The following PRKCH variants were observed in gnomAD, a reference collection of about 807,000 sequenced individuals.
PRKCH encodes protein kinase C eta.
In PRKCH, 28 loss-of-function variants were observed where a neutral mutation model predicts 82.5. The observed-to-expected ratio is 0.34, with a 90% CI of 0.25 to 0.47. PRKCH has a LOEUF of 0.47. PRKCH is among the 20% of genes least tolerant of loss of function. PRKCH has a pLI of 1.00. For synonymous variants in PRKCH, 322 were observed against 327.4 expected, an observed-to-expected ratio of 0.98 and a Z score of 0.18; for missense variants, 705 against 881.8, an observed-to-expected ratio of 0.80 and a Z score of 2.54.
upstream of PRKCH, among the ~76,000 whole-genome samples, chr14:61,321,460 C>G (rs1211518690): frequency 6.6e-6 from 1 of 152,224 alleles, no homozygotes; most frequent in African/African-American, 2.4e-5. The surrounding 1 kb of genome is among the most constrained non-coding windows in gnomAD (Gnocchi z 4.1). Flanking sequence ...CAGGGCGGCG[C>G]AAGCGGGCAC....
intron 10 of PRKCH, among the ~76,000 whole-genome samples, chr14:61,511,681 C>T (rs775666460): frequency 6.6e-6 from 1 of 152,250 alleles, no homozygotes; most frequent in African/African-American, 2.4e-5. Context: ...GGCTTGTGCC[C>T]TGCCTTGGCA....
At chr14:61,244,913 G>C (rs2044867478) in intron 1 of PRKCH, among the ~76,000 whole-genome samples, 1 of 152,186 alleles carries the variant, frequency 6.6e-6, no homozygotes, top group South Asian at 2.1e-4. Context: ...ATAAAACGAA[G>C]GAATGTGTAA....
rs144237107 is a variant in PRKCH at position 61,393,860 on chromosome 14, G to A, written c.427+2572G>A. Among the ~76,000 whole-genome samples the A allele has an allele frequency of 2.3e-3, 356 of 152,342 alleles. 5 individuals are homozygous for A. Among genetic ancestry groups the A allele is most frequent in the African/African-American group, 8.2e-3 (342 of 41,576 alleles). On this transcript the variant is annotated intron_variant, in intron 2 of 13. Coordinates refer to ENST00000332981, the MANE Select transcript of PRKCH (RefSeq NM_006255.5). ...CTGGAGAAAAGCCCTACAAATGTGG[G>A]TCTCACCTAATGCGGTTTCCCTCCT...
At chr14:61,376,529 AGTCTTACC>A (rs1421424403) in intron 1 of PRKCH, among the ~76,000 whole-genome samples, 1 of 152,200 alleles carries the variant, frequency 6.6e-6, no homozygotes, top group African/African-American at 2.4e-5. Context: ...TTGCAGATTT[AGTCTTACC>A]GTCTTCCAGA....
At position 61,530,396 on chromosome 14, in the gene PRKCH, C is replaced by T. The variant is rs377593540; in HGVS notation, c.1573-11C>T. The T allele has an allele frequency of 2.6e-6, 4 of 1,565,546 alleles. No individual in the cohort carries two copies. The highest frequency in any genetic ancestry group is 1.3e-5 in the African/African-American group (1 of 74,408). The stretch of plus-strand genomic sequence containing the variant: ...TATGAACCACCTTCTCACGCTGCCC[C>T]CTTTGCACAGATCCTCCAGGAAATG... On this transcript the variant is annotated splice_polypyrimidine_tract_variant and intron_variant, in intron 11 of 13. Coordinates refer to ENST00000332981, the MANE Select transcript of PRKCH (RefSeq NM_006255.5).
chr14:61,407,721 T>C (rs1442597676), intron 2 of PRKCH, among the ~76,000 whole-genome samples: 1 of 152,180 alleles, frequency 6.6e-6, no homozygotes, highest in Non-Finnish European at 1.5e-5. Context: ...TGCTTGAAGG[T>C]CACACTTAGG....
intron 2 of PRKCH, among the ~76,000 whole-genome samples, chr14:61,399,812 T>C (rs1444276762): frequency 6.6e-6 from 1 of 152,152 alleles, no homozygotes; most frequent in Non-Finnish European, 1.5e-5. Flanking sequence ...TTCTATTTTG[T>C]ACAAGTTTTT....
chr14:61,489,015 G>A (rs1026607790), intron 10 of PRKCH, among the ~76,000 whole-genome samples: 3 of 152,118 alleles, frequency 2.0e-5, no homozygotes, highest in African/African-American at 7.2e-5. Context: ...TATTTCACAG[G>A]ATAATTTAAT....
chr14:61,324,118 A>G (rs2045665393), intron 1 of PRKCH, among the ~76,000 whole-genome samples: 2 of 152,170 alleles, frequency 1.3e-5, no homozygotes, highest in Admixed American at 1.3e-4. Flanking sequence ...TTTTAGGCTC[A>G]CCAGGTGATT....
At chr14:61,450,564 G>A (rs942158495) in intron 5 of PRKCH, among the ~76,000 whole-genome samples, 3 of 152,198 alleles carry the variant, frequency 2.0e-5, no homozygotes, top group African/African-American at 7.2e-5. Flanking sequence ...AATATGGCCT[G>A]AATATGAAAG....
intron 4 of PRKCH, among the ~76,000 whole-genome samples, chr14:61,446,820 A>C (rs1884247776): frequency 6.6e-6 from 1 of 152,240 alleles, no homozygotes; most frequent in African/African-American, 2.4e-5. Context: ...CACCAAGATA[A>C]GTTGAGAAGC....
intron 1 of PRKCH, among the ~76,000 whole-genome samples, chr14:61,198,072 T>TA (rs67182433): frequency 1.3e-5 from 2 of 150,722 alleles, no homozygotes; most frequent in African/African-American, 2.4e-5. Flanking sequence ...AATTGATCCT[T>TA]AAAAAAAAAA....
chr14:61,224,676 C>T (rs1013307363), intron 1 of PRKCH, among the ~76,000 whole-genome samples: 16 of 152,286 alleles, frequency 1.1e-4, no homozygotes, highest in Admixed American at 5.2e-4. Flanking sequence ...ACATCATATC[C>T]GGAGATCCAT....
intron 1 of PRKCH, among the ~76,000 whole-genome samples, chr14:61,268,744 C>G (rs2045126308): frequency 6.6e-6 from 1 of 152,178 alleles, no homozygotes. Flanking sequence ...TCATTCCCAC[C>G]TAAAGCTTTT....
At chr14:61,540,185 C>T (rs2043164422) in intron 12 of PRKCH, among the ~76,000 whole-genome samples, 2 of 152,146 alleles carry the variant, frequency 1.3e-5, no homozygotes, top group Admixed American at 6.5e-5. Flanking sequence ...CTTCACTTAC[C>T]ACCTGCACTG....
chr14:61,354,247 AT>A (rs1295630755), intron 1 of PRKCH, among the ~76,000 whole-genome samples: 1 of 152,094 alleles, frequency 6.6e-6, no homozygotes, highest in African/African-American at 2.4e-5. Context: ...ATTATTCTTA[AT>A]TTTCACACTT....
chr14:61,310,533 C>A (rs2045514731), intron 1 of PRKCH, among the ~76,000 whole-genome samples: 1 of 152,242 alleles, frequency 6.6e-6, no homozygotes, highest in African/African-American at 2.4e-5. Flanking sequence ...TGGCCTTGGG[C>A]AGCTCCACCC....
chr14:61,244,261 A>C (rs978114402), intron 1 of PRKCH, among the ~76,000 whole-genome samples: 1 of 152,172 alleles, frequency 6.6e-6, no homozygotes, highest in Non-Finnish European at 1.5e-5. Flanking sequence ...AAGAGCTAGA[A>C]CCTGACAAAT....
intron 1 of PRKCH, among the ~76,000 whole-genome samples, chr14:61,295,158 G>T (rs1019552409): frequency 6.6e-6 from 1 of 152,106 alleles, no homozygotes; most frequent in Non-Finnish European, 1.5e-5. Flanking sequence ...GAGCCACCAC[G>T]CCTGGCTCTT....
Sources: allele counts gnomAD v4.1 joint callset (sites outside exome capture counted in the v4.1 genomes callset), GRCh38; gene constraint gnomAD v4.1.1; non-coding constraint Gnocchi (gnomAD v3.1); transcripts MANE v1.5; gene names NCBI Gene and HGNC (gene_info 2026-07-23, HGNC 2026-07-21).